The following PCDHGA8 variants were observed in gnomAD, a reference collection of about 807,000 sequenced individuals.
PCDHGA8 encodes the protein protocadherin gamma subfamily A, 8, also known as protocadherin gamma-A8.
A neutral mutation model predicts 59.2 loss-of-function variants in PCDHGA8; 45 were observed. The ratio of observed to expected loss-of-function variants is 0.76; its 90% confidence interval spans 0.60 to 0.98. The LOEUF is 0.98. PCDHGA8 is among the 50% of genes least tolerant of loss of function. The pLI is 0.00. For missense variants in PCDHGA8, 1,257 were observed against 1,196.2 expected (o/e 1.05, Z -0.75); for synonymous variants, 531 against 519.0 (o/e 1.02, Z -0.32).
At position 141,394,633 on chromosome 5, in the gene PCDHGA8, G is replaced by T; in HGVS notation, c.1820G>T (p.Arg607Leu). 1.2e-6 allele frequency: 2 copies of T among 1,613,390 alleles called. No individual in the cohort carries two copies. Among genetic ancestry groups the T allele is most frequent in the Non-Finnish European group, 1.7e-6 (2 of 1,179,958 alleles). The stretch of plus-strand genomic sequence containing the variant: ...GGCCAGAACGCCTGGCTGTCCTACC[G>T]CCTGCTCAAGGCCAGCGAGCCGGGA... The part of the protein sequence containing the change: ...DSGQNAWLSY[R>L]LLKASEPGLF... The change falls in exon 1 of 4, where the codon CGC becomes CTC. Residue 607 changes from arginine to leucine, a missense_variant. Transcript: ENST00000398604.
chr5:141,507,570 G>A (rs562674847), intron 3 of PCDHGA8, among the ~76,000 whole-genome samples: 1 of 152,366 alleles, frequency 6.6e-6, no homozygotes, highest in South Asian at 2.1e-4. Flanking sequence ...CTGGGTCTGA[G>A]GAGATGCCAA....
chr5:141,455,876 TTTA>T (rs1271603055), intron 1 of PCDHGA8, among the ~76,000 whole-genome samples: 2 of 146,624 alleles, frequency 1.4e-5, no homozygotes, highest in Non-Finnish European at 1.5e-5. Context: ...TATTTATTTA[TTTA>T]TTTATTTATT....
chr5:141,469,036 G>T (rs1396748159), intron 1 of PCDHGA8, among the ~76,000 whole-genome samples: 2 of 152,076 alleles, frequency 1.3e-5, no homozygotes, highest in Non-Finnish European at 2.9e-5. Flanking sequence ...CAGCACTTTG[G>T]GAGGCCAAGG....
At chr5:141,472,347 C>G (rs992566469) in intron 1 of PCDHGA8, among the ~76,000 whole-genome samples, 11 of 152,028 alleles carry the variant, frequency 7.2e-5, no homozygotes, top group Non-Finnish European at 1.2e-4. Context: ...CGAGACCATC[C>G]TGGCTAACAC....
intron 1 of PCDHGA8, chr5:141,478,786 C>T: frequency 6.8e-7 from 1 of 1,480,998 alleles, no homozygotes; most frequent in Non-Finnish European, 9.0e-7. Context: ...ACCTAATTCA[C>T]ATCCTCAGCA....
chr5:141,421,512 G>T, intron 1 of PCDHGA8: 2 of 1,614,094 alleles, frequency 1.2e-6, no homozygotes, highest in Non-Finnish European at 1.7e-6. Context: ...ACCGGGAGGA[G>T]CTCTGTGAGA....
intron 3 of PCDHGA8, among the ~76,000 whole-genome samples, chr5:141,506,485 A>C (rs2154593953): frequency 6.6e-6 from 1 of 150,572 alleles, no homozygotes; most frequent in East Asian, 2.0e-4. Flanking sequence ...CTTTAGAGGC[A>C]GGCCAATCTG....
rs771313907 is a variant in PCDHGA8 at position 141,395,091 on chromosome 5, A to ACCG, written c.2282_2284dup (p.Ala761dup). ...GACCTATTCCCAGGAAGTCTCCCTC[A>ACCG]CCGCCGACTCGCGGAAGAGTCACCT... On this transcript the variant is annotated inframe_insertion, in exon 1 of 4. Transcript: ENST00000398604. 1 of 1,614,118 alleles carries ACCG rather than the reference A, an allele frequency of 6.2e-7. No individual in the cohort carries two copies. The highest frequency in any genetic ancestry group is 1.1e-5 in the South Asian group (1 of 91,072).
intron 1 of PCDHGA8, chr5:141,414,886 C>T (rs374779316): frequency 1.4e-5 from 22 of 1,614,120 alleles, no homozygotes; most frequent in African/African-American, 2.7e-5. Context: ...GTACCCCGCC[C>T]TCCCCACAGA....
chr5:141,415,740 G>GTTTTTTTTTT lies in PCDHGA8; in HGVS notation c.2424+20526_2424+20535dup, dbSNP rs57426385. 90 of 625,044 alleles carry GTTTTTTTTTT rather than the reference G, an allele frequency of 1.4e-4. 1 individual carries two copies. The highest frequency in any genetic ancestry group is 4.1e-4 in the East Asian group (6 of 14,742). The allele number at this position is 625,044 out of a possible 1,614,324, so 38.7% of individuals were successfully genotyped here. On this transcript the variant is annotated intron_variant, in intron 1 of 3. Coordinates refer to ENST00000398604, the MANE Select transcript of PCDHGA8 (RefSeq NM_032088.2). ...TGAGTAGAATTTGATGTTTATTAAG[G>GTTTTTTTTTT]TTTTTTTTTTTTTTTTTTTTTTTTT...
chr5:141,450,835 T>TA lies in PCDHGA8; in HGVS notation c.2425-43972_2425-43971insA, dbSNP rs1438371595. ...ATTTAATATTATTATTATTATTTTT[T>TA]TTTTTTTGAGATGGGGTCTTGCTCT... is the stretch of plus-strand genomic sequence containing the variant. On this transcript the variant is annotated intron_variant, in intron 1 of 3. Coordinates refer to ENST00000398604, the MANE Select transcript of PCDHGA8 (RefSeq NM_032088.2). 4.0e-3 allele frequency among the ~76,000 whole-genome samples: 570 copies of TA among 142,160 alleles called. 3 individuals are homozygous for TA. The highest frequency in any genetic ancestry group is 0.015 in the Middle Eastern group (4 of 270). The allele number at this position is 142,160 out of a possible 152,430, so 93.3% of individuals were successfully genotyped here.
intron 1 of PCDHGA8, chr5:141,442,020 A>G (rs1461958612): frequency 4.6e-6 from 1 of 219,170 alleles, no homozygotes; most frequent in South Asian, 5.2e-5. Context: ...GATGGGCCAC[A>G]GGAAAGCGAC....
chr5:141,471,042 C>G (rs2099247416), intron 1 of PCDHGA8, among the ~76,000 whole-genome samples: 1 of 139,088 alleles, frequency 7.2e-6, no homozygotes, highest in South Asian at 2.3e-4. Flanking sequence ...CAAGCCCAAG[C>G]CCTCTTTTTT....
At chr5:141,433,034 C>T in intron 1 of PCDHGA8, 1 of 1,614,184 alleles carries the variant, frequency 6.2e-7, no homozygotes. Flanking sequence ...CGAGGTTTCC[C>T]TCACCACGGA....
chr5:141,506,434 C>A lies in PCDHGA8; in HGVS notation c.2572+953C>A, dbSNP rs139627189. Among the ~76,000 whole-genome samples the A allele has an allele frequency of 8.5e-4, 112 of 131,752 alleles. 2 individuals are homozygous for A. The highest frequency in any genetic ancestry group is 3.3e-3 in the African/African-American group (107 of 32,408). 86.4% of individuals were successfully genotyped at this position (131,752 alleles called of 152,430 possible). ...TGCACTCCAGCCTGGGCAACAGTCT[C>A]GCTCTGTCTCAAAAAAAAAAAAAAA... On this transcript the variant is annotated intron_variant, in intron 3 of 3. Transcript: ENST00000398604.
At position 141,505,504 on chromosome 5, in the gene PCDHGA8, T is replaced by C. The variant is rs756583857; in HGVS notation, c.2572+23T>C. The C allele has an allele frequency of 9.3e-6, 15 of 1,614,020 alleles. No individual in the cohort carries two copies. The African/African-American group carries it at 1.2e-4, about 13-fold the overall frequency. ...GTGGTAAGTGGTGTCAGTGTGTGTA[T>C]GGAAGAGTGGGAGACCTGGGGTTCT... On this transcript the variant is annotated intron_variant, in intron 3 of 3. Transcript: ENST00000398604.
chr5:141,467,781 C>G (rs2099151581), intron 1 of PCDHGA8, among the ~76,000 whole-genome samples: 1 of 152,228 alleles, frequency 6.6e-6, no homozygotes, highest in East Asian at 1.9e-4. Context: ...ACCTCAGCCT[C>G]TCAAGTAGCT....
chr5:141,407,355 A>C (rs991392072), intron 1 of PCDHGA8, among the ~76,000 whole-genome samples: 8 of 152,198 alleles, frequency 5.3e-5, no homozygotes, highest in Non-Finnish European at 1.0e-4. Context: ...TTTGGGGAAA[A>C]CATAACAGAT....
intron 1 of PCDHGA8, among the ~76,000 whole-genome samples, chr5:141,434,982 A>G (rs908716553): frequency 3.3e-5 from 5 of 152,084 alleles, no homozygotes; most frequent in East Asian, 1.9e-4. Flanking sequence ...TTAATACTCT[A>G]TATCATTTTC....
Sources: gnomAD v4.1 joint callset for allele counts (sites outside exome capture counted in the v4.1 genomes callset) on GRCh38, gnomAD v4.1.1 for gene constraint, MANE v1.5 for transcripts, NCBI Gene and HGNC (gene_info 2026-07-23, HGNC 2026-07-21) for gene names.